The following SLC2A13 variants were observed in gnomAD, a reference collection of about 807,000 sequenced individuals.
SLC2A13 encodes proton myo-inositol cotransporter.
In SLC2A13, 32 loss-of-function variants were observed where a neutral mutation model predicts 64.4. The ratio of observed to expected loss-of-function variants is 0.50; its 90% CI spans 0.37 to 0.67. The LOEUF (loss-of-function observed/expected upper bound fraction) is 0.67, where lower values mean the gene tolerates loss of function less well. SLC2A13 is among the 30% of genes least tolerant of loss of function. The probability of loss-of-function intolerance (pLI) is 0.00; values close to 1 mark genes in which losing one functional copy is unlikely to be tolerated. For synonymous variants in SLC2A13, 338 were observed against 327.1 expected (o/e 1.03, Z -0.36); for missense variants, 743 against 829.2 (o/e 0.90, Z 1.28).
intron 7 of SLC2A13, among the ~76,000 whole-genome samples, chr12:39,816,283 G>T (rs1445221240): frequency 6.6e-6 from 1 of 151,936 alleles, no homozygotes; most frequent in Non-Finnish European, 1.5e-5. Flanking sequence ...TCACTGATGG[G>T]GTGAAGGATG....
chr12:39,970,504 G>A (rs976858540), intron 3 of SLC2A13, among the ~76,000 whole-genome samples: 7 of 151,898 alleles, frequency 4.6e-5, no homozygotes, highest in African/African-American at 1.7e-4. Context: ...ACAGAATTTT[G>A]TTCCTCCTCT....
At chr12:39,904,519 A>G (rs945859501) in intron 4 of SLC2A13, among the ~76,000 whole-genome samples, 5 of 152,092 alleles carry the variant, frequency 3.3e-5, no homozygotes, top group African/African-American at 1.2e-4. Flanking sequence ...CAAGACCTTA[A>G]CTTAGGACAC....
intron 4 of SLC2A13, among the ~76,000 whole-genome samples, chr12:39,896,659 C>T (rs1944926363): frequency 6.6e-6 from 1 of 151,564 alleles, no homozygotes; most frequent in Non-Finnish European, 1.5e-5. Context: ...CAACACTGCT[C>T]AATGAAGTTT....
chr12:39,805,136 G>GCAGGC (rs1312749482), intron 7 of SLC2A13, among the ~76,000 whole-genome samples: 3 of 148,918 alleles, frequency 2.0e-5, no homozygotes, highest in Admixed American at 6.8e-5. Flanking sequence ...GACAGCAAGG[G>GCAGGC]CAGGCCAGGC....
intron 3 of SLC2A13, among the ~76,000 whole-genome samples, chr12:39,998,409 TAA>T (rs1947268262): frequency 6.6e-6 from 1 of 152,152 alleles, no homozygotes; most frequent in Admixed American, 6.5e-5. Context: ...GGGTGAGGAA[TAA>T]AACAGTCTGT....
At chr12:39,971,983 GAA>G (rs1174701447) in intron 3 of SLC2A13, among the ~76,000 whole-genome samples, 4,452 of 95,628 alleles carry the variant, frequency 0.047, 121 homozygotes, top group Non-Finnish European at 0.058. Context: ...AGTGTCTCCA[GAA>G]AAAAAAAAAA....
rs1940071698 is a variant in SLC2A13 at position 39,759,904 on chromosome 12, A to G, written c.*122T>C. The G allele has an allele frequency of 1.5e-6, 1 of 677,042 alleles. No individual in the cohort carries two copies. The highest frequency in any genetic ancestry group is 2.5e-6 in the Non-Finnish European group (1 of 398,594). 41.9% of individuals were successfully genotyped at this position (677,042 alleles called of 1,614,324 possible). A position where few individuals can be genotyped will look rare whatever the true frequency, so the allele number is the denominator to read the frequency against. ...TCCTCCTAATCAAGTATTCTAGAAT[A>G]TGAAGTCAATCAAAACTAGGCTGTG... On this transcript the variant is annotated 3_prime_UTR_variant, in exon 10 of 10. Coordinates refer to ENST00000280871, the MANE Select transcript of SLC2A13 (RefSeq NM_052885.4).
Position 39,768,244 on chromosome 12 carries a change from G to A in SLC2A13, c.1446-3386C>T, listed in dbSNP as rs1940432837. Among the ~76,000 whole-genome samples, 3 of 152,182 alleles carry A rather than the reference G, an allele frequency of 2.0e-5. No homozygotes were observed. The South Asian group carries it at 6.2e-4, about 32-fold the overall frequency. On this transcript the variant is annotated intron_variant, in intron 7 of 9. Coordinates refer to ENST00000280871, the MANE Select transcript of SLC2A13 (RefSeq NM_052885.4). ...GGAATTAGAGACTTATTCTGGATTA[G>A]GCTTGTGCTTAAGGGAATGTTGTGG...
At chr12:40,012,254 T>G (rs1947543784) in intron 3 of SLC2A13, among the ~76,000 whole-genome samples, 1 of 152,216 alleles carries the variant, frequency 6.6e-6, no homozygotes, top group African/African-American at 2.4e-5. Context: ...CATTTGTGTT[T>G]TATTGGAAAC....
At chr12:39,914,227 A>G (rs1209381369) in intron 4 of SLC2A13, among the ~76,000 whole-genome samples, 1 of 152,024 alleles carries the variant, frequency 6.6e-6, no homozygotes, top group Non-Finnish European at 1.5e-5. Context: ...ATTTAAATAG[A>G]TTTTTTCACG....
chr12:39,807,537 T>A (rs1419236876), intron 7 of SLC2A13, among the ~76,000 whole-genome samples: 1 of 152,190 alleles, frequency 6.6e-6, no homozygotes, highest in African/African-American at 2.4e-5. Context: ...GAAAAACAAG[T>A]AAAGGGTGGC....
intron 4 of SLC2A13, among the ~76,000 whole-genome samples, chr12:39,882,098 T>G (rs1030322184): frequency 5.9e-5 from 9 of 152,188 alleles, no homozygotes; most frequent in Admixed American, 6.5e-5. Flanking sequence ...TTCCAGACAC[T>G]GCTTCTTTTT....
At chr12:40,042,714 A>G (rs1948108821) in intron 2 of SLC2A13, among the ~76,000 whole-genome samples, 1 of 152,178 alleles carries the variant, frequency 6.6e-6, no homozygotes, top group Non-Finnish European at 1.5e-5. Flanking sequence ...CCTAGATCTA[A>G]AAATGAGTAA....
At chr12:39,779,151 GT>G (rs1487609455) in intron 7 of SLC2A13, among the ~76,000 whole-genome samples, 2 of 152,172 alleles carry the variant, frequency 1.3e-5, no homozygotes, top group African/African-American at 2.4e-5. Context: ...TATGGGCGGG[GT>G]GCAACTGAAG....
intron 1 of SLC2A13, among the ~76,000 whole-genome samples, chr12:40,101,285 AAAT>A (rs1363556664): frequency 7.9e-5 from 12 of 152,196 alleles, no homozygotes; most frequent in Non-Finnish European, 1.5e-4. Flanking sequence ...AAATCAAAAC[AAAT>A]ACACATATCC....
At position 40,105,976 on chromosome 12, in the gene SLC2A13, G is replaced by T. The variant is rs1436527953; in HGVS notation, c.-168C>A. 4 of 822,586 alleles carry T rather than the reference G, an allele frequency of 4.9e-6. No individual in the cohort carries two copies. The highest frequency in any genetic ancestry group is 6.7e-6 in the Non-Finnish European group (4 of 600,284). The allele number at this position is 822,586 out of a possible 1,614,324, so 51.0% of individuals were successfully genotyped here. On this transcript the variant is annotated 5_prime_UTR_variant, in exon 1 of 10. Transcript: ENST00000280871. This position sits in a 1 kb window ranked among gnomAD's most constrained non-coding sequence, Gnocchi z 4.2. ...CAGCCGCCGCCACGGCCGCTCCGGG[G>T]AGAAAGTTGCTGCCCGCCGCGCTCC...
rs539420197 is a variant in SLC2A13 at position 40,103,379 on chromosome 12, G to A, written c.556+1874C>T. Among the ~76,000 whole-genome samples the A allele has an allele frequency of 2.6e-5, 4 of 152,238 alleles. No individual in the cohort carries two copies. In the South Asian group the frequency reaches 6.2e-4, roughly 24 times the overall value. ...TGTTGGAGATAACTGTACCCCCTCT[G>A]AATTCATCAGCCATCTCTGATAACC... On this transcript the variant is annotated intron_variant, in intron 1 of 9. Transcript: ENST00000280871.
At position 39,757,981 on chromosome 12, in the gene SLC2A13, T is replaced by C. The variant is rs917543701; in HGVS notation, c.*2045A>G. The C allele has an allele frequency of 2.0e-5, 3 of 152,048 alleles. No individual in the cohort carries two copies. Among genetic ancestry groups the C allele is most frequent in the Non-Finnish European group, 3.0e-5 (2 of 67,674 alleles). The allele number at this position is 152,048 out of a possible 1,614,324, so 9.4% of individuals were successfully genotyped here. A position where few individuals can be genotyped will look rare whatever the true frequency, so the allele number is the denominator to read the frequency against. Reference sequence around the variant, plus strand: ...CTTATTATATTTTGATTGTACCATATAGTAGCTTATTTTTCACTTCAATTT... The same window carrying C: ...CTTATTATATTTTGATTGTACCATACAGTAGCTTATTTTTCACTTCAATTT... On this transcript the variant is annotated 3_prime_UTR_variant, in exon 10 of 10. Transcript: ENST00000280871.
intron 7 of SLC2A13, among the ~76,000 whole-genome samples, chr12:39,812,388 T>TTTCTTTCTC (rs1942199224): frequency 1.6e-5 from 2 of 124,822 alleles, no homozygotes; most frequent in Non-Finnish European, 3.8e-5. Context: ...TTTTCTTTCT[T>TTTCTTTCTC]TCTCTCTCTC....
Sources: allele counts gnomAD v4.1 joint callset (sites outside exome capture counted in the v4.1 genomes callset), GRCh38; gene constraint gnomAD v4.1.1; non-coding constraint Gnocchi (gnomAD v3.1); transcripts MANE v1.5; gene names NCBI Gene and HGNC (gene_info 2026-07-23, HGNC 2026-07-21).